The following ATP13A2 variants were observed in gnomAD, a reference collection of about 807,000 sequenced individuals.
The protein encoded by ATP13A2 is ATPase cation transporting 13A2, also known as polyamine-transporting ATPase 13A2.
A neutral mutation model predicts 138.3 loss-of-function variants in ATP13A2; 83 were observed. The ratio of observed to expected loss-of-function variants is 0.60; its 90% CI spans 0.50 to 0.72. The LOEUF is 0.72. Among genes scored for constraint, ATP13A2 ranks in the 30% least tolerant of loss-of-function variants. ATP13A2 has a pLI of 0.00. For missense variants in ATP13A2, 1,402 were observed against 1,606.4 expected (o/e 0.87, Z 2.17); for synonymous variants, 663 against 699.0 (o/e 0.95, Z 0.81).
chr1:16,988,210 A>C lies in ATP13A2; in HGVS notation c.2787T>G (p.Thr929=), dbSNP rs1197344445. The C allele has an allele frequency of 6.2e-7, 1 of 1,614,070 alleles. No homozygotes were observed. Among genetic ancestry groups the C allele is most frequent in the African/African-American group, 1.3e-5 (1 of 74,918 alleles). Residue 929 remains threonine (T), a synonymous_variant, in exon 25 of 29, where the codon ACT becomes ACG. Coordinates refer to ENST00000326735, the MANE Select transcript of ATP13A2 (RefSeq NM_022089.4). The part of the protein sequence containing the change: ...VIREGRCSLD[T]SFSVFKYMAL... ...CCATGTACTTGAAGACGCTGAACGA[A>C]GTGTCAAGGGAACAGCGCCCCTCCC...
At chr1:17,002,996 G>A (rs79951660) in intron 6 of ATP13A2, among the ~76,000 whole-genome samples, 2 of 152,286 alleles carry the variant, frequency 1.3e-5, no homozygotes, top group Non-Finnish European at 2.9e-5. Flanking sequence ...CGGAAAGCGT[G>A]GAAGACTTTG....
Position 17,004,455 on chromosome 1 carries a change from C to T in ATP13A2, c.478-44G>A, listed in dbSNP as rs1473676615. On this transcript the variant is annotated intron_variant, in intron 5 of 28. Coordinates refer to ENST00000326735, the MANE Select transcript of ATP13A2 (RefSeq NM_022089.4). The surrounding 1 kb of genome is among the most constrained non-coding windows in gnomAD (Gnocchi z 4.1). ...AGGATGGGTTGGAAGCTGGCCCCGG[C>T]CCCAGAAGCAGTGTGCTTATGCTGG... 10 of 1,605,132 alleles carry T rather than the reference C, an allele frequency of 6.2e-6. No individual in the cohort carries two copies. In the East Asian group the frequency reaches 2.0e-4, roughly 32 times the overall value.
intron 25 of ATP13A2, among the ~76,000 whole-genome samples, 190 bp from the exon 26 acceptor site, chr1:16,987,459 G>A (rs767399603): frequency 2.6e-5 from 4 of 152,188 alleles, no homozygotes; most frequent in Non-Finnish European, 5.9e-5. Context: ...CAAACCCCTG[G>A]TCTGATGGAA....
Position 16,996,261 on chromosome 1 carries a change from C to T in ATP13A2, c.1346G>A (p.Arg449Gln), listed in dbSNP as rs774585729. The T allele has an allele frequency of 2.3e-5, 37 of 1,613,920 alleles. No homozygotes were observed. The South Asian group carries it at 2.4e-4, about 11-fold the overall frequency. ...CCCACCCCCAAGGCTTACCCGGTTTCGGTAGAGGATGAAGATGCTGTAGAT... is the reference window on the plus strand; with the variant it reads ...CCCACCCCCAAGGCTTACCCGGTTTTGGTAGAGGATGAAGATGCTGTAGAT... ...GTIYSIFILY[R>Q]NRVPLNEIVI... is the part of the protein sequence containing the mutation. Residue 449 changes from arginine to glutamine, a missense_variant, in exon 14 of 29, where the codon CGA (arginine) becomes CAA (glutamine). Physicochemically the swap from Arg to Gln is conservative, Grantham distance 43. Coordinates refer to ENST00000326735, the MANE Select transcript of ATP13A2 (RefSeq NM_022089.4).
In ATP13A2 at chr1:17,011,885, G is replaced by A. The variant is rs972896550; in HGVS notation, c.-147C>T. The A allele has an allele frequency of 9.4e-6, 7 of 747,878 alleles. No homozygotes were observed. Among genetic ancestry groups the A allele is most frequent in the Non-Finnish European group, 9.9e-6 (6 of 606,520 alleles). The allele number at this position is 747,878 out of a possible 1,614,324, so 46.3% of individuals were successfully genotyped here. On this transcript the variant is annotated 5_prime_UTR_variant, in exon 1 of 29. Transcript: ENST00000326735. This position sits in a 1 kb window ranked among gnomAD's most constrained non-coding sequence, Gnocchi z 7.3. ...CGCGGGGCTGGAGCAGGGCTGACGC[G>A]GGCGGGGCACCTGGGCCACCAGGCT...
Position 16,986,661 on chromosome 1 carries a change from A to G in ATP13A2, c.3236-29T>C. On this transcript the variant is annotated intron_variant, in intron 27 of 28. Coordinates refer to ENST00000326735, the MANE Select transcript of ATP13A2 (RefSeq NM_022089.4). The surrounding 1 kb of genome is among the most constrained non-coding windows in gnomAD (Gnocchi z 6.9). ...GGAGCAGGAGAGTCTCTCAGGCAGG[A>G]GCCACGCCCCCCCGGCACCCACAGA... 1 of 1,592,744 alleles carries G rather than the reference A, an allele frequency of 6.3e-7. No individual in the cohort carries two copies. Among genetic ancestry groups the G allele is most frequent in the Non-Finnish European group, 8.5e-7 (1 of 1,173,026 alleles).
intron 14 of ATP13A2, 35 bp downstream of exon 14, chr1:16,996,218 GC>G (rs777359530): frequency 6.2e-7 from 1 of 1,614,146 alleles, no homozygotes; most frequent in South Asian, 1.1e-5. Context: ...CCTGGGCCCT[GC>G]TGGCAGCACC....
chr1:16,997,246 A>G (rs2077164162), intron 11 of ATP13A2, 71 bp from the exon 12 acceptor site: 13 of 1,584,538 alleles, frequency 8.2e-6, no homozygotes, highest in Middle Eastern at 3.3e-4. Context: ...AGTTCTGTGT[A>G]GAATTGTCCC....
At chr1:17,001,377 G>A (rs964277754) in intron 8 of ATP13A2, among the ~76,000 whole-genome samples, 3 of 151,530 alleles carry the variant, frequency 2.0e-5, no homozygotes, top group African/African-American at 4.8e-5. Flanking sequence ...GCAGTGAGCC[G>A]AGATCACGCC....
intron 11 of ATP13A2, among the ~76,000 whole-genome samples, chr1:16,997,594 C>T (rs1285194164): frequency 6.6e-6 from 1 of 152,134 alleles, no homozygotes; most frequent in Non-Finnish European, 1.5e-5. Flanking sequence ...GTAATCCCAA[C>T]ACTTTGGGAG....
In ATP13A2 at chr1:16,988,336, C is replaced by T; in HGVS notation, c.2748G>A (p.Val916=). 6.2e-7 allele frequency: 1 copy of T among 1,614,218 alleles called. No individual in the cohort carries two copies. The highest frequency in any genetic ancestry group is 8.5e-7 in the Non-Finnish European group (1 of 1,180,050). The part of the protein sequence containing the change: ...FTSSMASIEC[V]PMVIREGRCS... ...GCCTGCCTTACCTGATGACCATGGG[C>T]ACGCACTCAATACTGGCCATGCTCG... Residue 916 remains valine (V), a synonymous_variant, in exon 24 of 29, where the codon GTG becomes GTA. Transcript: ENST00000326735.
At chr1:16,987,402 T>C in intron 25 of ATP13A2, 133 bp from the exon 26 acceptor site, 1 of 881,662 alleles carries the variant, frequency 1.1e-6, no homozygotes, top group East Asian at 2.6e-5. Context: ...ATGGGGGCCG[T>C]ACTCTCCTGC....
chr1:17,002,402 G>A, intron 6 of ATP13A2, 29 bp from the exon 7 acceptor site: 1 of 1,605,778 alleles, frequency 6.2e-7, no homozygotes, highest in Non-Finnish European at 8.5e-7. Context: ...GGACACGCAT[G>A]GGCCATGGGG....
chr1:17,005,296 T>C, intron 3 of ATP13A2, 78 bp downstream of exon 3: 3 of 1,541,960 alleles, frequency 1.9e-6, no homozygotes, highest in African/African-American at 1.4e-5. Context: ...AGTGGCCGGG[T>C]TGGCACCCAA....
intron 16 of ATP13A2, 46 bp from the exon 17 acceptor site, chr1:16,992,627 C>T (rs527533909): frequency 1.3e-6 from 2 of 1,597,842 alleles, no homozygotes; most frequent in Non-Finnish European, 8.6e-7. Flanking sequence ...CTTTGGCTCA[C>T]AGAGAGATTT....
Position 17,005,445 on chromosome 1 carries a change from C to G in ATP13A2, c.217G>C (p.Val73Leu). The G allele has an allele frequency of 6.2e-7, 1 of 1,614,052 alleles. No homozygotes were observed. The highest frequency in any genetic ancestry group is 8.5e-7 in the Non-Finnish European group (1 of 1,179,974). ...TTGCAGGGCCGGAGCCGCAGCCGCA[C>G]CCCCCACAGGGGCTTCCAACGGAAG... ...LLFRWKPLWG[V>L]RLRLRPCNLA... The change falls in exon 3 of 29, where the codon GTG becomes CTG. Residue 73 changes from valine to leucine, a missense_variant. By Grantham distance (32) the Val-to-Leu change is conservative. Transcript: ENST00000326735.
Position 16,990,126 on chromosome 1 carries a change from C to A in ATP13A2, c.2412+1G>T. On this transcript the variant is annotated splice_donor_variant, in intron 21 of 28. Transcript: ENST00000326735. LOFTEE classifies it high-confidence loss of function. ...CAGCTGGAACTCTGGGTTAGCCTCA[C>A]CTTAACGCCATTCACGGCTGTGGGG... The A allele has an allele frequency of 1.9e-6, 3 of 1,614,166 alleles. No homozygotes were observed. Among genetic ancestry groups the A allele is most frequent in the Non-Finnish European group, 2.5e-6 (3 of 1,180,036 alleles).
chr1:17,003,852 T>C (rs1451519691), intron 6 of ATP13A2, among the ~76,000 whole-genome samples: 7 of 151,992 alleles, frequency 4.6e-5, no homozygotes, highest in Non-Finnish European at 5.9e-5. Context: ...TTAGTAGAGA[T>C]GGGGTTTCAG....
chr1:16,994,278 G>A (rs947778453), intron 15 of ATP13A2, among the ~76,000 whole-genome samples: 4 of 151,388 alleles, frequency 2.6e-5, no homozygotes, highest in Non-Finnish European at 5.9e-5. Flanking sequence ...TGTCGCCCGC[G>A]CTGGAGTGCA....
Sources: gnomAD v4.1 joint callset for allele counts (sites outside exome capture counted in the v4.1 genomes callset) on GRCh38, gnomAD v4.1.1 for gene constraint, Gnocchi (gnomAD v3.1) non-coding constraint, MANE v1.5 for transcripts, NCBI Gene and HGNC (gene_info 2026-07-23, HGNC 2026-07-21) for gene names.